Variants in KCNIP4 observed in about 807,000 individuals in gnomAD.
KCNIP4 encodes the protein potassium voltage-gated channel interacting protein 4.
Under a neutral mutation model 34.0 loss-of-function variants are expected in KCNIP4, and 12 were observed. That is an observed-to-expected ratio of 0.35 (90% CI 0.23 to 0.57). The LOEUF (loss-of-function observed/expected upper bound fraction) is 0.57. KCNIP4 is among the 20% of genes least tolerant of loss of function. The pLI, the probability that KCNIP4 is intolerant of heterozygous loss-of-function variation, is 0.83. For missense variants in KCNIP4, 238 were observed against 311.7 expected, an observed-to-expected ratio of 0.76 and a Z score of 1.78; for synonymous variants, 124 against 102.2, an observed-to-expected ratio of 1.21 and a Z score of -1.29.
At chr4:21,306,788 G>T (rs941602258) in intron 1 of KCNIP4, among the ~76,000 whole-genome samples, 1 of 151,850 alleles carries the variant, frequency 6.6e-6, no homozygotes, top group Non-Finnish European at 1.5e-5. Context: ...TAAAGTTGAT[G>T]ACCTGGGGCT....
intron 1 of KCNIP4, among the ~76,000 whole-genome samples, chr4:21,052,822 G>A (rs1743041081): frequency 1.3e-5 from 2 of 152,126 alleles, no homozygotes; most frequent in African/African-American, 4.8e-5. Context: ...GTCTGTATCT[G>A]TGTGAGTCTC....
At chr4:20,917,279 C>T (rs1232407083) in intron 1 of KCNIP4, among the ~76,000 whole-genome samples, 8 of 151,748 alleles carry the variant, frequency 5.3e-5, no homozygotes, top group Non-Finnish European at 1.0e-4. Context: ...CCACCTACCT[C>T]GGCCTCCCAA....
intron 1 of KCNIP4, among the ~76,000 whole-genome samples, chr4:21,891,030 AAAAC>A (rs1209527253): frequency 6.6e-6 from 1 of 152,118 alleles, no homozygotes; most frequent in Non-Finnish European, 1.5e-5. Context: ...CATTTAACCC[AAAAC>A]AAACAGCCTA....
At chr4:21,119,644 C>T (rs1025825018) in intron 1 of KCNIP4, among the ~76,000 whole-genome samples, 1 of 151,870 alleles carries the variant, frequency 6.6e-6, no homozygotes, top group African/African-American at 2.4e-5. Flanking sequence ...GCCTAATGTA[C>T]ATTTTTAAAT....
At chr4:21,634,896 A>T (rs1746020754) in intron 1 of KCNIP4, among the ~76,000 whole-genome samples, 1 of 152,174 alleles carries the variant, frequency 6.6e-6, no homozygotes, top group South Asian at 2.1e-4. Flanking sequence ...TTTTGAAGCA[A>T]ATTTATAAGA....
At chr4:21,513,650 T>C (rs1188625393) in intron 1 of KCNIP4, among the ~76,000 whole-genome samples, 1 of 152,230 alleles carries the variant, frequency 6.6e-6, no homozygotes, top group Non-Finnish European at 1.5e-5. Context: ...TAGTGTAACA[T>C]AGGCAGAACC....
intron 1 of KCNIP4, among the ~76,000 whole-genome samples, chr4:21,830,033 C>A (rs1202925680): frequency 6.6e-6 from 1 of 151,902 alleles, no homozygotes; most frequent in Non-Finnish European, 1.5e-5. Context: ...TTAAATTATC[C>A]AATCAAAGGC....
At chr4:21,508,907 C>A (rs1734080637) in intron 1 of KCNIP4, among the ~76,000 whole-genome samples, 1 of 151,856 alleles carries the variant, frequency 6.6e-6, no homozygotes, top group African/African-American at 2.4e-5. Flanking sequence ...TAGTTGAGCG[C>A]TGTTACTTAT....
At chr4:21,819,241 C>T (rs927574586) in intron 1 of KCNIP4, among the ~76,000 whole-genome samples, 2 of 152,230 alleles carry the variant, frequency 1.3e-5, no homozygotes, top group African/African-American at 4.8e-5. Context: ...TGTCACCACC[C>T]TCTCTGTTAC....
At chr4:21,715,984 T>C (rs911202448) in intron 1 of KCNIP4, among the ~76,000 whole-genome samples, 1 of 152,192 alleles carries the variant, frequency 6.6e-6, no homozygotes, top group Admixed American at 6.5e-5. Flanking sequence ...TCTGATTTCT[T>C]CAAGATCAAC....
intron 3 of KCNIP4, among the ~76,000 whole-genome samples, chr4:20,824,749 T>C (rs1175387609): frequency 2.0e-5 from 3 of 152,162 alleles, no homozygotes; most frequent in African/African-American, 7.2e-5. Flanking sequence ...CATGGTATAA[T>C]GACTTTGGAG....
intron 1 of KCNIP4, among the ~76,000 whole-genome samples, chr4:21,386,620 A>G (rs73249566): frequency 6.6e-6 from 1 of 152,314 alleles, no homozygotes; most frequent in Non-Finnish European, 1.5e-5. Flanking sequence ...AACAAGGAAC[A>G]TTTAGTCCCA....
At chr4:21,819,531 C>A (rs971468355) in intron 1 of KCNIP4, among the ~76,000 whole-genome samples, 3 of 152,166 alleles carry the variant, frequency 2.0e-5, no homozygotes, top group Non-Finnish European at 4.4e-5. Context: ...CAGAACTATA[C>A]TCTTTTATTT....
At chr4:21,020,826 A>T (rs1168864616) in intron 1 of KCNIP4, among the ~76,000 whole-genome samples, 2 of 152,218 alleles carry the variant, frequency 1.3e-5, no homozygotes, top group Non-Finnish European at 2.9e-5. Flanking sequence ...TGTATGGTTA[A>T]GTAGCAAAGC....
chr4:20,821,724 C>A (rs568632430), intron 3 of KCNIP4, among the ~76,000 whole-genome samples: 2 of 152,200 alleles, frequency 1.3e-5, no homozygotes, highest in African/African-American at 2.4e-5. Flanking sequence ...TAAGTGAGAA[C>A]ATACAATATT....
intron 1 of KCNIP4, among the ~76,000 whole-genome samples, chr4:21,859,592 C>A (rs944778044): frequency 6.6e-6 from 1 of 150,606 alleles, no homozygotes; most frequent in African/African-American, 2.4e-5. Flanking sequence ...CGCGCCACTG[C>A]ACTTCAGCCT....
At chr4:21,652,107 A>G (rs1373440354) in intron 1 of KCNIP4, among the ~76,000 whole-genome samples, 1 of 152,086 alleles carries the variant, frequency 6.6e-6, no homozygotes, top group Admixed American at 6.6e-5. Flanking sequence ...CATCCATCTA[A>G]TCTTCTGGAT....
chr4:21,879,860 C>A lies in KCNIP4; in HGVS notation c.61+68711G>T, dbSNP rs552949167. On this transcript the variant is annotated intron_variant, in intron 1 of 8. Coordinates refer to ENST00000382152, the MANE Select transcript of KCNIP4 (RefSeq NM_025221.6). Reference sequence around the variant, plus strand: ...TGAATCATGGAGGCAGTTACCTCCACGTTAGTCTCATGATCGTAAGTTTTC... The same window carrying A: ...TGAATCATGGAGGCAGTTACCTCCAAGTTAGTCTCATGATCGTAAGTTTTC... Among the ~76,000 whole-genome samples the A allele has an allele frequency of 2.6e-5, 4 of 152,156 alleles. No individual in the cohort carries two copies. In the South Asian group the frequency reaches 6.2e-4, roughly 24 times the overall value.
intron 1 of KCNIP4, among the ~76,000 whole-genome samples, chr4:20,965,866 T>TA (rs1305473698): frequency 1.2e-4 from 19 of 152,310 alleles, no homozygotes; most frequent in Admixed American, 1.1e-3. Context: ...GAGGCTAACT[T>TA]ACTATTTTGA....
Sources: allele counts gnomAD v4.1 joint callset (sites outside exome capture counted in the v4.1 genomes callset), GRCh38; gene constraint gnomAD v4.1.1; transcripts MANE v1.5; gene names NCBI Gene and HGNC (gene_info 2026-07-23, HGNC 2026-07-21).